OR3A2: variants seen among roughly 807,000 people sequenced by gnomAD.
OR3A2 encodes the protein olfactory receptor family 3 subfamily A member 2, also known as olfactory receptor 3A2.
For synonymous variants in OR3A2, 126 were observed against 159.3 expected, an observed-to-expected ratio of 0.79 and a Z score of 1.57; for missense variants, 318 against 392.8, an observed-to-expected ratio of 0.81 and a Z score of 1.61.
chr17:3,309,804 G>A (rs1442330257), intron 3 of OR3A2, among the ~76,000 whole-genome samples: 1 of 151,994 alleles, frequency 6.6e-6, no homozygotes, highest in East Asian at 1.9e-4. Context: ...AATAGTCTGG[G>A]CCACGACAGG....
intron 2 of OR3A2, among the ~76,000 whole-genome samples, chr17:3,373,652 T>C (rs908876020): frequency 6.6e-6 from 1 of 152,192 alleles, no homozygotes; most frequent in Non-Finnish European, 1.5e-5. Flanking sequence ...GGAATATTTT[T>C]TTCCACCCCT....
chr17:3,383,410 C>T (rs1338353354), intron 2 of OR3A2, among the ~76,000 whole-genome samples: 1 of 152,242 alleles, frequency 6.6e-6, no homozygotes, highest in Admixed American at 6.5e-5. Flanking sequence ...ATGTGCATTA[C>T]CTCTTTAATC....
At chr17:3,351,235 T>A (rs1018668900) in intron 2 of OR3A2, among the ~76,000 whole-genome samples, 1 of 117,288 alleles carries the variant, frequency 8.5e-6, no homozygotes, top group African/African-American at 3.0e-5. Flanking sequence ...AAAGAGGAAG[T>A]CAAATTGTCC....
chr17:3,372,355 G>A (rs1010549108), intron 2 of OR3A2, among the ~76,000 whole-genome samples: 2 of 150,218 alleles, frequency 1.3e-5, no homozygotes, highest in Non-Finnish European at 3.0e-5. Flanking sequence ...CAGCCAGGCA[G>A]AGGGGCTCCT....
At chr17:3,296,603 A>T (rs1366730503) in intron 3 of OR3A2, among the ~76,000 whole-genome samples, 1 of 152,212 alleles carries the variant, frequency 6.6e-6, no homozygotes, top group East Asian at 1.9e-4. Flanking sequence ...TATAAAGGAA[A>T]ATAATCACAA....
At chr17:3,280,609 A>T (rs1381905099) in intron 1 of OR3A2, among the ~76,000 whole-genome samples, 2 of 152,170 alleles carry the variant, frequency 1.3e-5, no homozygotes, top group African/African-American at 4.8e-5. Flanking sequence ...AGATCAAAAA[A>T]CATCAATGTC....
At chr17:3,347,868 A>G (rs2049381320) in intron 2 of OR3A2, among the ~76,000 whole-genome samples, 1 of 152,192 alleles carries the variant, frequency 6.6e-6, no homozygotes, top group Non-Finnish European at 1.5e-5. Flanking sequence ...CCAACAGTGT[A>G]AAAGTGTTCC....
intron 2 of OR3A2, among the ~76,000 whole-genome samples, chr17:3,357,754 T>C (rs1314547784): frequency 6.6e-6 from 1 of 151,626 alleles, no homozygotes; most frequent in Non-Finnish European, 1.5e-5. Flanking sequence ...GGTCTTGCTA[T>C]GATGCCCAGG....
chr17:3,282,082 AG>A (rs1441052653), intron 1 of OR3A2, among the ~76,000 whole-genome samples: 2 of 152,168 alleles, frequency 1.3e-5, no homozygotes, highest in Admixed American at 6.5e-5. Context: ...TAGGTGATCC[AG>A]CCACTTCCAC....
chr17:3,335,080 C>G (rs1490594710), intron 3 of OR3A2, among the ~76,000 whole-genome samples: 2 of 151,996 alleles, frequency 1.3e-5, no homozygotes, highest in Non-Finnish European at 2.9e-5. Flanking sequence ...ATGAGTGAAG[C>G]CATTATCTCT....
At chr17:3,344,121 G>A (rs1314395606) in intron 2 of OR3A2, among the ~76,000 whole-genome samples, 2 of 152,098 alleles carry the variant, frequency 1.3e-5, no homozygotes, top group African/African-American at 4.8e-5. Flanking sequence ...GGGATATTCG[G>A]CTCTGTGGCA....
chr17:3,383,684 TCTATACTG>T (rs1445185117), intron 2 of OR3A2: 4 of 152,068 alleles, frequency 2.6e-5, no homozygotes, highest in African/African-American at 9.7e-5. Context: ...ATGCTACTAC[TCTATACTG>T]GGGCAAGGGG....
chr17:3,315,465 T>G (rs914896811), intron 3 of OR3A2, among the ~76,000 whole-genome samples: 5 of 152,212 alleles, frequency 3.3e-5, no homozygotes, highest in Non-Finnish European at 7.3e-5. Flanking sequence ...TTCCTGGGTT[T>G]GTCGGCCACT....
At chr17:3,287,104 G>C (rs184369964), upstream of OR3A2, among the ~76,000 whole-genome samples, 9 of 152,248 alleles carry the variant, frequency 5.9e-5, no homozygotes, top group East Asian at 1.5e-3. Context: ...GGGCCCCAGA[G>C]ATATCCAACC....
At chr17:3,289,118 T>C (rs2048841377), upstream of OR3A2, among the ~76,000 whole-genome samples, 1 of 151,674 alleles carries the variant, frequency 6.6e-6, no homozygotes, top group Non-Finnish European at 1.5e-5. Flanking sequence ...AGTGTGTGTT[T>C]GTGTGTGTTC....
chr17:3,308,299 G>T (rs1305990481), intron 3 of OR3A2, among the ~76,000 whole-genome samples: 1 of 152,144 alleles, frequency 6.6e-6, no homozygotes, highest in Non-Finnish European at 1.5e-5. Flanking sequence ...TTGTCCCTTT[G>T]TCTGTCTGTC....
chr17:3,331,671 T>C (rs2150642486), intron 3 of OR3A2, among the ~76,000 whole-genome samples: 1 of 151,710 alleles, frequency 6.6e-6, no homozygotes, highest in East Asian at 1.9e-4. Context: ...TGTCCTCCCG[T>C]AGCTCAGAGT....
At chr17:3,323,449 A>T (rs118065403) in intron 3 of OR3A2, among the ~76,000 whole-genome samples, 1 of 151,788 alleles carries the variant, frequency 6.6e-6, no homozygotes, top group East Asian at 1.9e-4. Flanking sequence ...TTTCTTCCTA[A>T]CCTCGATGGT....
At chr17:3,309,313 G>A (rs982210009) in intron 3 of OR3A2, among the ~76,000 whole-genome samples, 4 of 152,302 alleles carry the variant, frequency 2.6e-5, no homozygotes, top group African/African-American at 9.6e-5. Flanking sequence ...CCTATCTGGT[G>A]ATCAGATAAA....
Sources: allele counts gnomAD v4.1 joint callset (sites outside exome capture counted in the v4.1 genomes callset), GRCh38; gene constraint gnomAD v4.1.1; transcripts MANE v1.5; gene names NCBI Gene and HGNC (gene_info 2026-07-23, HGNC 2026-07-21).